Variants in MACROH2A1 observed in about 807,000 individuals in gnomAD.
The protein encoded by MACROH2A1 is core histone macro-H2A.1.
In MACROH2A1, 2 loss-of-function variants were observed where a neutral mutation model predicts 31.6. That is an observed-to-expected ratio of 0.06 (90% CI 0.03 to 0.20). MACROH2A1 has a LOEUF of 0.20. Among genes scored for constraint, MACROH2A1 ranks in the 10% least tolerant of loss-of-function variants. MACROH2A1 has a pLI of 1.00. For synonymous variants in MACROH2A1, 169 were observed against 189.6 expected (o/e 0.89, Z 0.89); for missense variants, 230 against 474.0 (o/e 0.49, Z 4.78).
At chr5:135,349,914 G>GAGTT (rs911113761) in intron 6 of MACROH2A1, among the ~76,000 whole-genome samples, 7 of 152,176 alleles carry the variant, frequency 4.6e-5, no homozygotes, top group African/African-American at 1.7e-4. Flanking sequence ...AAGCACTGAG[G>GAGTT]AGTTAAGTGA....
chr5:135,389,401 G>A, intron 1 of MACROH2A1: 1 of 251,020 alleles, frequency 4.0e-6, no homozygotes, highest in African/African-American at 2.2e-5. Flanking sequence ...GGATTTCTTG[G>A]CCACATTCTA....
chr5:135,356,182 C>T (rs1762152941), intron 5 of MACROH2A1: 1 of 152,134 alleles, frequency 6.6e-6, no homozygotes, highest in African/African-American at 2.4e-5. Context: ...AGGGCACTGC[C>T]AGTTATAGAG....
intron 8 of MACROH2A1, among the ~76,000 whole-genome samples, chr5:135,342,195 A>G (rs2149726646): frequency 6.6e-6 from 1 of 152,332 alleles, no homozygotes; most frequent in Non-Finnish European, 1.5e-5. Context: ...ACAATCTCAG[A>G]GGTGGCTCTG....
At chr5:135,363,106 ATGCCTGT>A (rs1763048285) in intron 4 of MACROH2A1, among the ~76,000 whole-genome samples, 1 of 152,092 alleles carries the variant, frequency 6.6e-6, no homozygotes, top group Non-Finnish European at 1.5e-5. Context: ...GTGGTGGCTC[ATGCCTGT>A]AATCCCAACA....
At position 135,335,012 on chromosome 5, in the gene MACROH2A1, G is replaced by A; in HGVS notation, c.1083C>T (p.Ile361=). The change falls in exon 9 of 9, where the codon ATC becomes ATT. Residue 361 remains isoleucine, a synonymous_variant. Transcript: ENST00000511689. The part of the protein sequence containing the change: ...FVLFDSESIG[I]YVQEMAKLDA... ...CCAGCTTGGCCATTTCCTGCACATA[G>A]ATGCCTATACTCTCGCTGTCAAAAA... 1 of 1,614,006 alleles carries A rather than the reference G, an allele frequency of 6.2e-7. No individual in the cohort carries two copies. Among genetic ancestry groups the A allele is most frequent in the Non-Finnish European group, 8.5e-7 (1 of 1,179,906 alleles).
intron 1 of MACROH2A1, among the ~76,000 whole-genome samples, chr5:135,394,403 A>G (rs559694575): frequency 4.6e-5 from 7 of 151,868 alleles, no homozygotes; most frequent in Middle Eastern, 3.4e-3. Flanking sequence ...GCATGTCCAG[A>G]CTCCAACCTT....
rs77925349 is a variant in MACROH2A1 at position 135,359,106 on chromosome 5, G to A, written c.588+1391C>T. ...ATATTTTAGTTCATCCAGCAAGGGA[G>A]GTATGAGGAATTCTGATCTGAGGCT... On this transcript the variant is annotated intron_variant, in intron 5 of 8. Coordinates refer to ENST00000511689, the MANE Select transcript of MACROH2A1 (RefSeq NM_138610.3). The A allele has an allele frequency of 9.5e-3, 9,402 of 985,340 alleles. 59 individuals are homozygous for A. The highest frequency in any genetic ancestry group is 0.011 in the Non-Finnish European group (8,777 of 829,840). The allele number at this position is 985,340 out of a possible 1,614,324, so 61.0% of individuals were successfully genotyped here.
intron 8 of MACROH2A1, among the ~76,000 whole-genome samples, chr5:135,339,086 C>CTTAAG (rs1759323158): frequency 6.6e-6 from 1 of 152,198 alleles, no homozygotes; most frequent in Admixed American, 6.5e-5. Flanking sequence ...TGGCATGTTC[C>CTTAAG]TTAAGTTCCT....
At chr5:135,366,525 T>C (rs1763520819) in intron 4 of MACROH2A1, among the ~76,000 whole-genome samples, 1 of 151,668 alleles carries the variant, frequency 6.6e-6, no homozygotes, top group Non-Finnish European at 1.5e-5. Context: ...CCCCAGAGCC[T>C]GCACCCCTAA....
At position 135,398,554 on chromosome 5, in the gene MACROH2A1, C is replaced by T. The variant is rs907046888; in HGVS notation, c.-34+508G>A. On this transcript the variant is annotated intron_variant, in intron 1 of 8. Coordinates refer to ENST00000511689, the MANE Select transcript of MACROH2A1 (RefSeq NM_138610.3). The surrounding 1 kb of genome is among the most constrained non-coding windows in gnomAD (Gnocchi z 4.6). ...TCCCTGCAGATAGCGAGCCAGACGC[C>T]TACACCTCGGCCCCCCGGGGCTCGG... is the stretch of plus-strand genomic sequence containing the variant. 1.3e-5 allele frequency among the ~76,000 whole-genome samples: 2 copies of T among 152,240 alleles called. No homozygotes were observed. Among genetic ancestry groups the T allele is most frequent in the Non-Finnish European group, 2.9e-5 (2 of 68,036 alleles).
At chr5:135,367,925 T>A (rs1324187609) in intron 4 of MACROH2A1, among the ~76,000 whole-genome samples, 1 of 152,224 alleles carries the variant, frequency 6.6e-6, no homozygotes, top group Non-Finnish European at 1.5e-5. Flanking sequence ...AACTTTCCAA[T>A]CTGCTAATTC....
chr5:135,363,657 A>G (rs1308178387), intron 4 of MACROH2A1, among the ~76,000 whole-genome samples: 3 of 152,242 alleles, frequency 2.0e-5, no homozygotes, highest in Non-Finnish European at 2.9e-5. Flanking sequence ...GTGTCTTTAT[A>G]GTAGCATGAT....
At chr5:135,393,848 C>A (rs889282150) in intron 1 of MACROH2A1, among the ~76,000 whole-genome samples, 1 of 152,172 alleles carries the variant, frequency 6.6e-6, no homozygotes, top group Non-Finnish European at 1.5e-5. Context: ...TTATAAATCA[C>A]AATAAACATT....
rs939938586 is a variant in MACROH2A1 at position 135,358,692 on chromosome 5, A to G, written c.588+1805T>C. 4.3e-6 allele frequency: 4 copies of G among 938,744 alleles called. No individual in the cohort carries two copies. In the African/African-American group the frequency reaches 7.1e-5, roughly 17 times the overall value. 58.2% of individuals were successfully genotyped at this position (938,744 alleles called of 1,614,324 possible). On this transcript the variant is annotated intron_variant, in intron 5 of 8. Transcript: ENST00000511689. Reference sequence around the variant, plus strand: ...GCTTTCATTCTCCATTTTTAAAAATAACATTAAATGATATGTTTGTAATTT... The same window carrying G: ...GCTTTCATTCTCCATTTTTAAAAATGACATTAAATGATATGTTTGTAATTT...
At chr5:135,362,862 TG>T (rs1332290731) in intron 4 of MACROH2A1, 2 of 152,172 alleles carry the variant, frequency 1.3e-5, no homozygotes, top group Admixed American at 6.5e-5. Flanking sequence ...AGAATAGAAA[TG>T]TGTTACATTA....
chr5:135,381,770 G>C (rs1765687911), intron 2 of MACROH2A1, among the ~76,000 whole-genome samples: 5 of 152,222 alleles, frequency 3.3e-5, no homozygotes, highest in Admixed American at 3.3e-4. Context: ...CTAGAAGACA[G>C]ATGAAAAGTA....
intron 2 of MACROH2A1, among the ~76,000 whole-genome samples, chr5:135,373,521 A>G (rs1715569485): frequency 6.6e-6 from 1 of 152,178 alleles, no homozygotes; most frequent in Admixed American, 6.5e-5. Context: ...CCATTAGAGA[A>G]ACTTGAAGGA....
intron 2 of MACROH2A1, among the ~76,000 whole-genome samples, chr5:135,388,503 A>AT (rs1283883627): frequency 6.6e-6 from 1 of 152,232 alleles, no homozygotes; most frequent in Non-Finnish European, 1.5e-5. Context: ...GTCATGGAAG[A>AT]TTTTTTAAAA....
chr5:135,386,625 G>A (rs1358563613), intron 2 of MACROH2A1, among the ~76,000 whole-genome samples: 4 of 152,208 alleles, frequency 2.6e-5, no homozygotes, highest in African/African-American at 9.7e-5. Flanking sequence ...TAGGGATGAT[G>A]GATGTGTGAG....
Sources: gnomAD v4.1 joint callset for allele counts (sites outside exome capture counted in the v4.1 genomes callset) on GRCh38, gnomAD v4.1.1 for gene constraint, Gnocchi (gnomAD v3.1) non-coding constraint, MANE v1.5 for transcripts, NCBI Gene and HGNC (gene_info 2026-07-23, HGNC 2026-07-21) for gene names.